Variants in EPHA6 observed in about 807,000 individuals in gnomAD.
EPHA6 encodes ephrin type-A receptor 6.
Under a neutral mutation model 112.0 loss-of-function variants are expected in EPHA6, and 50 were observed. The observed-to-expected ratio is 0.45, with a 90% CI of 0.36 to 0.56. The LOEUF is 0.56. EPHA6 is among the 20% of genes least tolerant of loss of function. EPHA6 has a pLI of 0.00. For synonymous variants in EPHA6, 529 were observed against 490.7 expected (o/e 1.08, Z -1.03); for missense variants, 1,280 against 1,417.4 (o/e 0.90, Z 1.56).
chr3:97,010,237 T>C (rs1325787675), intron 3 of EPHA6: 5 of 487,534 alleles, frequency 1.0e-5, no homozygotes, highest in Non-Finnish European at 1.6e-5. Flanking sequence ...TTATTTGTAA[T>C]ATCATGTAAT....
chr3:97,382,644 C>T (rs78890800), intron 5 of EPHA6, among the ~76,000 whole-genome samples: 6,799 of 152,002 alleles, frequency 0.045, 493 homozygotes, highest in African/African-American at 0.15. Flanking sequence ...TATAGTCTAC[C>T]ACCTGACGAC....
chr3:96,818,234 C>G (rs1196304425), intron 1 of EPHA6, among the ~76,000 whole-genome samples: 1 of 151,998 alleles, frequency 6.6e-6, no homozygotes, highest in Non-Finnish European at 1.5e-5. Flanking sequence ...CCGTGTATCA[C>G]AGTGGCCAGT....
chr3:97,285,057 C>T (rs1182927384), intron 5 of EPHA6, among the ~76,000 whole-genome samples: 2 of 152,014 alleles, frequency 1.3e-5, no homozygotes, highest in African/African-American at 4.8e-5. Context: ...GGAATACCGC[C>T]ATCTGATAAA....
intron 6 of EPHA6, among the ~76,000 whole-genome samples, chr3:97,424,718 A>G (rs1000901972): frequency 3.3e-5 from 5 of 151,612 alleles, no homozygotes; most frequent in Admixed American, 3.3e-4. Flanking sequence ...AGGCAGGAGA[A>G]TCACTTGAAC....
intron 5 of EPHA6, among the ~76,000 whole-genome samples, chr3:97,296,955 G>A (rs1370483593): frequency 6.6e-6 from 1 of 152,116 alleles, no homozygotes; most frequent in Non-Finnish European, 1.5e-5. Context: ...GGGTCTATTG[G>A]GCCCCAGAGA....
intron 3 of EPHA6, among the ~76,000 whole-genome samples, chr3:97,194,405 G>A (rs2077386443): frequency 6.6e-6 from 1 of 151,542 alleles, no homozygotes; most frequent in Non-Finnish European, 1.5e-5. Context: ...TTGATTCCTA[G>A]TTTTATTCTA....
chr3:97,159,091 C>A (rs1213254707), intron 3 of EPHA6, among the ~76,000 whole-genome samples: 1 of 152,094 alleles, frequency 6.6e-6, no homozygotes. Flanking sequence ...ACTGCCTGGA[C>A]CATTATTAGC....
intron 6 of EPHA6, among the ~76,000 whole-genome samples, chr3:97,413,804 A>T (rs2087910097): frequency 6.6e-6 from 1 of 152,038 alleles, no homozygotes; most frequent in South Asian, 2.1e-4. Context: ...AAATACCTAA[A>T]TACCTAAAGA....
chr3:96,980,109 G>C (rs1228039723), intron 2 of EPHA6, among the ~76,000 whole-genome samples: 1 of 152,284 alleles, frequency 6.6e-6, no homozygotes, highest in East Asian at 1.9e-4. Flanking sequence ...TGGTGTTTTA[G>C]ACATGAAGTC....
intron 6 of EPHA6, among the ~76,000 whole-genome samples, chr3:97,437,650 A>C (rs989517258): frequency 6.6e-6 from 1 of 152,044 alleles, no homozygotes; most frequent in Non-Finnish European, 1.5e-5. Context: ...AACTAAATGT[A>C]ATACTCAATT....
At chr3:97,306,822 C>T (rs1373726470) in intron 5 of EPHA6, among the ~76,000 whole-genome samples, 1 of 151,480 alleles carries the variant, frequency 6.6e-6, no homozygotes, top group Non-Finnish European at 1.5e-5. Context: ...ATACGGCCTA[C>T]CAGTTATGTA....
intron 2 of EPHA6, among the ~76,000 whole-genome samples, chr3:96,958,851 C>A (rs1452964750): frequency 6.6e-6 from 1 of 152,016 alleles, no homozygotes; most frequent in Non-Finnish European, 1.5e-5. Flanking sequence ...TTTAGTATTC[C>A]TTTTTATTCC....
At chr3:96,992,045 G>T (rs759516991) in intron 3 of EPHA6, among the ~76,000 whole-genome samples, 1 of 152,036 alleles carries the variant, frequency 6.6e-6, no homozygotes, top group East Asian at 1.9e-4. Context: ...GTATCTTGCC[G>T]CTGCACTCTT....
rs2043065224 is a variant in EPHA6 at position 96,987,497 on chromosome 3, C to G, written c.618C>G (p.Asn206Lys). ...VEMKFTLRDC[N>K]SIPWVLGTCK... is the part of the protein sequence containing the mutation. ...TGAAATTCACACTAAGGGATTGTAACAGCATCCCATGGGTCTTGGGGACTT... is the reference window on the plus strand; with the variant it reads ...TGAAATTCACACTAAGGGATTGTAAGAGCATCCCATGGGTCTTGGGGACTT... The change falls in exon 3 of 18, where the codon AAC becomes AAG. Residue 206 changes from asparagine to lysine, a missense_variant. Asn to Lys is a moderately conservative substitution (Grantham distance 94). This residue lies in a region of EPHA6 where 878 missense variants were observed against 999.7 expected (regional missense o/e 0.88). Transcript: ENST00000389672. 1.9e-6 allele frequency: 3 copies of G among 1,613,798 alleles called. No individual in the cohort carries two copies. The highest frequency in any genetic ancestry group is 1.3e-5 in the African/African-American group (1 of 74,908).
intron 10 of EPHA6, among the ~76,000 whole-genome samples, chr3:97,515,002 G>C (rs1331127977): frequency 6.6e-6 from 1 of 152,086 alleles, no homozygotes; most frequent in Admixed American, 6.5e-5. Context: ...ACAATGAGAT[G>C]GTCCTTACAA....
chr3:97,746,247 G>C (rs1016836032), intron 16 of EPHA6, among the ~76,000 whole-genome samples: 1 of 151,422 alleles, frequency 6.6e-6, no homozygotes, highest in Non-Finnish European at 1.5e-5. Flanking sequence ...ACAACATATC[G>C]ATTTCACTCA....
intron 14 of EPHA6, among the ~76,000 whole-genome samples, chr3:97,702,046 T>A (rs2033423832): frequency 1.3e-5 from 2 of 152,176 alleles, no homozygotes; most frequent in African/African-American, 2.4e-5. Flanking sequence ...GATCTGAATC[T>A]TTCACCCAGT....
chr3:96,936,611 A>G (rs113804464), intron 2 of EPHA6, among the ~76,000 whole-genome samples: 1 of 151,058 alleles, frequency 6.6e-6, no homozygotes, highest in Non-Finnish European at 1.5e-5. Flanking sequence ...ATTTAATTTA[A>G]TTTTATTATT....
At chr3:97,202,942 A>C (rs1217084989) in intron 3 of EPHA6, among the ~76,000 whole-genome samples, 1 of 152,104 alleles carries the variant, frequency 6.6e-6, no homozygotes, top group Non-Finnish European at 1.5e-5. Context: ...AAGCATGGAT[A>C]TCTTTGGGGT....
Sources: allele counts gnomAD v4.1 joint callset (sites outside exome capture counted in the v4.1 genomes callset), GRCh38; gene constraint gnomAD v4.1.1; regional missense constraint gnomAD v4.1.1; transcripts MANE v1.5; gene names NCBI Gene and HGNC (gene_info 2026-07-23, HGNC 2026-07-21).